Variants in ZDHHC5 observed in about 807,000 individuals in gnomAD.
The protein encoded by ZDHHC5 is palmitoyltransferase ZDHHC5.
In ZDHHC5, 22 loss-of-function variants were observed where a neutral mutation model predicts 70.0. The observed-to-expected ratio is 0.31, with a 90% CI of 0.22 to 0.45. The LOEUF is 0.45. Ranked by LOEUF, ZDHHC5 falls within the 20% of genes least tolerant of loss-of-function variation. The pLI, the probability that ZDHHC5 is intolerant of heterozygous loss-of-function variation, is 1.00. For synonymous variants in ZDHHC5, 313 were observed against 347.8 expected, an observed-to-expected ratio of 0.90 and a Z score of 1.11; for missense variants, 746 against 926.9, an observed-to-expected ratio of 0.80 and a Z score of 2.53.
At chr11:57,688,370 ATAGTTCC>A (rs879338105) in intron 3 of ZDHHC5, 131 bp from the exon 4 acceptor site, 9 of 1,019,486 alleles carry the variant, frequency 8.8e-6, no homozygotes, top group Admixed American at 4.0e-5. Flanking sequence ...TCACAGTCTT[ATAGTTCC>A]TAGTTCCTAG....
At chr11:57,693,575 A>G (rs1946312869) in intron 7 of ZDHHC5, among the ~76,000 whole-genome samples, 1 of 152,178 alleles carries the variant, frequency 6.6e-6, no homozygotes, top group African/African-American at 2.4e-5. Context: ...GCTTTCCTTG[A>G]GCTAGGTATC....
Position 57,700,370 on chromosome 11 carries a change from C to G in ZDHHC5, c.*339C>G, listed in dbSNP as rs2135409228. The G allele has an allele frequency of 6.2e-6, 1 of 160,998 alleles. No homozygotes were observed. Among genetic ancestry groups the G allele is most frequent in the South Asian group, 1.8e-4 (1 of 5,624 alleles). The allele number at this position is 160,998 out of a possible 1,614,324, so 10.0% of individuals were successfully genotyped here. On this transcript the variant is annotated 3_prime_UTR_variant, in exon 12 of 12. Transcript: ENST00000287169. The stretch of plus-strand genomic sequence containing the variant: ...ATTTTTTTTATTATTGTTACGGATT[C>G]TATTTTTTTCCTCTTCTGCGTTACC...
At chr11:57,675,815 T>A (rs1468978642) in intron 2 of ZDHHC5, among the ~76,000 whole-genome samples, 1 of 152,218 alleles carries the variant, frequency 6.6e-6, no homozygotes, top group African/African-American at 2.4e-5. Context: ...AAAACTATCC[T>A]CTCATGTATT....
At chr11:57,671,978 A>T in intron 1 of ZDHHC5, 43 bp from the exon 2 acceptor site, 1 of 346,360 alleles carries the variant, frequency 2.9e-6, no homozygotes, top group Non-Finnish European at 5.2e-6. Context: ...TCTAAGAAAT[A>T]CCCTGAAAGA....
chr11:57,698,497 C>T (rs2135406342), intron 10 of ZDHHC5, 62 bp from the exon 11 acceptor site: 1 of 1,526,846 alleles, frequency 6.5e-7, no homozygotes, highest in South Asian at 1.3e-5. Context: ...ACTCCTTGAG[C>T]TCTGGGGTCT....
chr11:57,696,192 A>G, intron 9 of ZDHHC5, 149 bp downstream of exon 9: 1 of 1,323,840 alleles, frequency 7.6e-7, no homozygotes, highest in East Asian at 2.6e-5. Context: ...GCTACTTTGC[A>G]ACTGAAAGAG....
At chr11:57,689,677 ATTTTTT>A (rs10561191) in intron 4 of ZDHHC5, among the ~76,000 whole-genome samples, 1 of 135,542 alleles carries the variant, frequency 7.4e-6, no homozygotes, top group South Asian at 2.3e-4. Context: ...CGCCCGGCCA[ATTTTTT>A]TTTTTTTTTT....
chr11:57,700,589 G>A lies in ZDHHC5; in HGVS notation c.*558G>A, dbSNP rs1257583608. ...CTGTGGTTCCCTCTCATTTGTCCCAGTTACTAACTACGGAAATAGCATCCT... is the reference window on the plus strand; with the variant it reads ...CTGTGGTTCCCTCTCATTTGTCCCAATTACTAACTACGGAAATAGCATCCT... On this transcript the variant is annotated 3_prime_UTR_variant, in exon 12 of 12. Transcript: ENST00000287169. 6.6e-6 allele frequency: 1 copy of A among 152,538 alleles called. No individual in the cohort carries two copies. Among genetic ancestry groups the A allele is most frequent in the Non-Finnish European group, 1.5e-5 (1 of 68,034 alleles). 9.4% of individuals were successfully genotyped at this position (152,538 alleles called of 1,614,324 possible).
At chr11:57,695,447 C>G (rs1414631204) in intron 8 of ZDHHC5, among the ~76,000 whole-genome samples, 5 of 152,002 alleles carry the variant, frequency 3.3e-5, no homozygotes, top group Non-Finnish European at 7.4e-5. Flanking sequence ...TTTTCTTCAT[C>G]TAATGCTATA....
At position 57,672,080 on chromosome 11, in the gene ZDHHC5, A is replaced by C. The variant is rs977917631; in HGVS notation, c.-1011A>C. Reference sequence around the variant, plus strand: ...GGAAAGCTGAAGACTGAAGAAAGATAAGAGACATTGACTAGTCTGGAAACA... The same window carrying C: ...GGAAAGCTGAAGACTGAAGAAAGATCAGAGACATTGACTAGTCTGGAAACA... On this transcript the variant is annotated 5_prime_UTR_variant, in exon 2 of 12. Transcript: ENST00000287169. 22 of 393,322 alleles carry C rather than the reference A, an allele frequency of 5.6e-5. No individual in the cohort carries two copies. The highest frequency in any genetic ancestry group is 2.7e-4 in the Admixed American group (6 of 22,578). The allele number at this position is 393,322 out of a possible 1,614,324, so 24.4% of individuals were successfully genotyped here.
chr11:57,673,876 A>G (rs1590855992), intron 2 of ZDHHC5, among the ~76,000 whole-genome samples: 1 of 152,318 alleles, frequency 6.6e-6, no homozygotes, highest in South Asian at 2.1e-4. Context: ...TGGGCCGACT[A>G]AAGCCTTTTT....
At chr11:57,694,088 T>G (rs762511758) in intron 8 of ZDHHC5, among the ~76,000 whole-genome samples, 173 bp downstream of exon 8, 11 of 150,898 alleles carry the variant, frequency 7.3e-5, no homozygotes, top group Non-Finnish European at 1.6e-4. Flanking sequence ...GCCTCCCAGG[T>G]TCAAGCAATT....
rs36089922 is a variant in ZDHHC5 at position 57,670,820 on chromosome 11, ATT to A, written c.-1070-1183_-1070-1182del. Among the ~76,000 whole-genome samples the A allele has an allele frequency of 5.2e-3, 667 of 128,474 alleles. 3 individuals are homozygous for A. Among genetic ancestry groups the A allele is most frequent in the Non-Finnish European group, 5.5e-3 (332 of 60,378 alleles). 84.3% of individuals were successfully genotyped at this position (128,474 alleles called of 152,430 possible). Reference sequence around the variant, plus strand: ...TATATTTTGTTATCTGAATCTTCTGATTTTTTTTTTTTTTTTTTTGAGACAGA... The same window carrying A: ...TATATTTTGTTATCTGAATCTTCTGATTTTTTTTTTTTTTTTTGAGACAGA... On this transcript the variant is annotated intron_variant, in intron 1 of 11. Coordinates refer to ENST00000287169, the MANE Select transcript of ZDHHC5 (RefSeq NM_015457.3).
chr11:57,689,197 G>T (rs965417756), intron 4 of ZDHHC5, among the ~76,000 whole-genome samples: 1 of 152,080 alleles, frequency 6.6e-6, no homozygotes, highest in Admixed American at 6.6e-5. Flanking sequence ...TGCATCCCTT[G>T]TCCTTTTTCC....
chr11:57,680,075 C>G (rs1402533660), intron 2 of ZDHHC5, among the ~76,000 whole-genome samples: 1 of 152,128 alleles, frequency 6.6e-6, no homozygotes, highest in Non-Finnish European at 1.5e-5. Flanking sequence ...CCCCAAGAAA[C>G]TGAGTTGCTT....
chr11:57,671,685 C>T (rs1946008203), intron 1 of ZDHHC5, among the ~76,000 whole-genome samples: 1 of 152,190 alleles, frequency 6.6e-6, no homozygotes, highest in Admixed American at 6.5e-5. Flanking sequence ...TAGGACTGCC[C>T]TTCACTGCTG....
chr11:57,674,316 G>GTTTTTT (rs34645509), intron 2 of ZDHHC5, among the ~76,000 whole-genome samples: 4 of 140,932 alleles, frequency 2.8e-5, no homozygotes, highest in Non-Finnish European at 6.2e-5. Flanking sequence ...TTTTTCCTCA[G>GTTTTTT]TTTTTTTTTT....
At chr11:57,692,934 G>A (rs983639317) in intron 7 of ZDHHC5, among the ~76,000 whole-genome samples, 9 of 152,224 alleles carry the variant, frequency 5.9e-5, no homozygotes, top group East Asian at 3.9e-4. Context: ...AGCAGGGACC[G>A]GTTTCATGGG....
At chr11:57,678,329 G>T (rs1013279128) in intron 2 of ZDHHC5, among the ~76,000 whole-genome samples, 21 of 152,114 alleles carry the variant, frequency 1.4e-4, no homozygotes, top group African/African-American at 5.1e-4. Flanking sequence ...CTAGCACTTT[G>T]GGAGGCTGAG....
Sources: allele counts gnomAD v4.1 joint callset (sites outside exome capture counted in the v4.1 genomes callset), GRCh38; gene constraint gnomAD v4.1.1; transcripts MANE v1.5; gene names NCBI Gene and HGNC (gene_info 2026-07-23, HGNC 2026-07-21).